KANK2: variants seen among roughly 807,000 people sequenced by gnomAD.
KANK2 encodes the protein KN motif and ankyrin repeat domain-containing protein 2.
In KANK2, 41 loss-of-function variants were observed where a neutral mutation model predicts 74.6. The observed-to-expected ratio is 0.55, with a 90% CI of 0.43 to 0.71. KANK2 has a LOEUF of 0.71. Among genes scored for constraint, KANK2 ranks in the 30% least tolerant of loss-of-function variants. KANK2 has a pLI of 0.00. For synonymous variants in KANK2, 537 were observed against 519.0 expected, an observed-to-expected ratio of 1.03 and a Z score of -0.47; for missense variants, 1,148 against 1,196.4, an observed-to-expected ratio of 0.96 and a Z score of 0.60.
intron 4 of KANK2, among the ~76,000 whole-genome samples, chr19:11,186,976 A>T (rs1251055457): frequency 2.6e-5 from 4 of 151,874 alleles, no homozygotes; most frequent in African/African-American, 9.7e-5. Flanking sequence ...AGAAGAGGGT[A>T]GGTGGGTGGG....
intron 3 of KANK2, 148 bp from the exon 4 acceptor site, chr19:11,194,190 G>C (rs1224349391): frequency 1.1e-6 from 1 of 872,738 alleles, no homozygotes; most frequent in Non-Finnish European, 1.7e-6. Flanking sequence ...AGACCCTCCA[G>C]AGCAGGGCTA....
chr19:11,183,254 TG>T (rs2147514417), intron 4 of KANK2, among the ~76,000 whole-genome samples: 1 of 152,310 alleles, frequency 6.6e-6, no homozygotes, highest in African/African-American at 2.4e-5. Flanking sequence ...CTCCAATCTC[TG>T]GGCACTGAGG....
Position 11,176,566 on chromosome 19 carries a change from C to A in KANK2, c.1760+12G>T. 1 of 1,564,968 alleles carries A rather than the reference C, an allele frequency of 6.4e-7. No homozygotes were observed. Among genetic ancestry groups the A allele is most frequent in the South Asian group, 1.2e-5 (1 of 83,744 alleles). On this transcript the variant is annotated intron_variant, in intron 7 of 12. Transcript: ENST00000586659. Reference sequence around the variant, plus strand: ...CGGCCCTGCCTGAATCCCTCCTACCCAGAAAACTGACCTGATCTCCTCCTC... The same window carrying A: ...CGGCCCTGCCTGAATCCCTCCTACCAAGAAAACTGACCTGATCTCCTCCTC...
At chr19:11,197,665 G>C (rs1005410715), upstream of KANK2, 1 of 151,838 alleles carries the variant, frequency 6.6e-6, no homozygotes, top group Non-Finnish European at 1.5e-5. Context: ...GCCGCGGTGG[G>C]GGGTGGGGAT....
At position 11,178,455 on chromosome 19, in the gene KANK2, G is replaced by A; in HGVS notation, c.1418-8C>T. ...CGCCTGCCGGGGGCCCGCCTGGAGGGGAGGACAGCGGAGGTGCTGTGAGAG... is the reference window on the plus strand; with the variant it reads ...CGCCTGCCGGGGGCCCGCCTGGAGGAGAGGACAGCGGAGGTGCTGTGAGAG... On this transcript the variant is annotated splice_polypyrimidine_tract_variant and splice_region_variant and intron_variant, in intron 5 of 12. Transcript: ENST00000586659. 2 of 1,599,454 alleles carry A rather than the reference G, an allele frequency of 1.3e-6. No homozygotes were observed. The highest frequency in any genetic ancestry group is 1.8e-5 in the Admixed American group (1 of 56,948).
At chr19:11,169,409 G>C (rs902729692) in intron 12 of KANK2, among the ~76,000 whole-genome samples, 2 of 152,216 alleles carry the variant, frequency 1.3e-5, no homozygotes, top group African/African-American at 4.8e-5. Context: ...TCAGGAGGCT[G>C]AGGTGAAAGG....
chr19:11,170,110 G>A lies in KANK2; in HGVS notation c.2350C>T (p.His784Tyr). 1 of 1,613,406 alleles carries A rather than the reference G, an allele frequency of 6.2e-7. No homozygotes were observed. The highest frequency in any genetic ancestry group is 8.5e-7 in the Non-Finnish European group (1 of 1,180,020). Residue 784 changes from histidine (H) to tyrosine (Y), a missense_variant, in exon 11 of 13, where the codon CAC becomes TAC. Physicochemically the swap from His to Tyr is moderately conservative, Grantham distance 83. Transcript: ENST00000586659. The surrounding 1 kb of genome is among the most constrained non-coding windows in gnomAD (Gnocchi z 5.2). ...TALMCACEHGHKEIAGLLLAV... is the reference protein window; with the variant it reads ...TALMCACEHGYKEIAGLLLAV... ...AGCAGCAGCCCCGCGATCTCCTTGT[G>A]GCCGTGCTCACAGGCGCACATGAGG... is the stretch of plus-strand genomic sequence containing the variant.
In KANK2 at chr19:11,178,491, C is replaced by T. The variant is rs367901980; in HGVS notation, c.1418-44G>A. 6.9e-6 allele frequency: 11 copies of T among 1,600,772 alleles called. No individual in the cohort carries two copies. The African/African-American group carries it at 1.4e-4, about 20-fold the overall frequency. ...GAGGTGCTGTGAGAGTCCTTCAGGG[C>T]CAGACTCCGAACTGGCGCCATCCCG... On this transcript the variant is annotated intron_variant, in intron 5 of 12. Transcript: ENST00000586659.
chr19:11,171,820 G>A (rs1453274836), intron 10 of KANK2, among the ~76,000 whole-genome samples: 1 of 150,988 alleles, frequency 6.6e-6, no homozygotes, highest in African/African-American at 2.4e-5. Flanking sequence ...ACAGGCACAT[G>A]CCACCATGCC....
At position 11,192,431 on chromosome 19, in the gene KANK2, C is replaced by CTTTT. The variant is rs34285924; in HGVS notation, c.1249+396_1249+399dup. 231 of 159,894 alleles carry CTTTT rather than the reference C, an allele frequency of 1.4e-3. 6 individuals carry two copies. Among genetic ancestry groups the CTTTT allele is most frequent in the Admixed American group, 2.7e-3 (31 of 11,540 alleles). The allele number at this position is 159,894 out of a possible 1,614,324, so 9.9% of individuals were successfully genotyped here. A position where few individuals can be genotyped will look rare whatever the true frequency, so the allele number is the denominator to read the frequency against. Reference sequence around the variant, plus strand: ...GGGGCTGGGGCTGGACCTTGGCATTCTTTTTTTTTTTTTTTTTTTTTGAGA... The same window carrying CTTTT: ...GGGGCTGGGGCTGGACCTTGGCATTCTTTTTTTTTTTTTTTTTTTTTTTTTGAGA... On this transcript the variant is annotated intron_variant, in intron 4 of 12. Transcript: ENST00000586659.
At position 11,179,578 on chromosome 19, in the gene KANK2, C is replaced by T. The variant is rs181856236; in HGVS notation, c.1250-858G>A. On this transcript the variant is annotated intron_variant, in intron 4 of 12. Transcript: ENST00000586659. ...GCTTGAACCCGGGAGGCAGAGGTTG[C>T]AGTGAGCAGAGATCACACCACTGCA... 3.4e-4 allele frequency among the ~76,000 whole-genome samples: 51 copies of T among 151,410 alleles called. 1 individual carries two copies. The highest frequency in any genetic ancestry group is 3.2e-3 in the Admixed American group (49 of 15,156).
chr19:11,182,512 T>A, intron 4 of KANK2, among the ~76,000 whole-genome samples: 1 of 145,430 alleles, frequency 6.9e-6, no homozygotes, highest in African/African-American at 2.6e-5. Context: ...GGTGACGGAG[T>A]GAGACCCTAT....
chr19:11,197,710 G>C (rs994265469), upstream of KANK2: 1 of 151,906 alleles, frequency 6.6e-6, no homozygotes, highest in African/African-American at 2.4e-5. Flanking sequence ...ATCTCACCTG[G>C]ACAGCAGGTG....
intron 9 of KANK2, among the ~76,000 whole-genome samples, chr19:11,173,509 T>C (rs895686508): frequency 2.6e-5 from 4 of 151,972 alleles, no homozygotes; most frequent in African/African-American, 9.7e-5. Flanking sequence ...AAGGGCAAGT[T>C]TCTTACTAAC....
intron 4 of KANK2, among the ~76,000 whole-genome samples, chr19:11,180,363 G>T (rs1369064032): frequency 6.6e-6 from 1 of 152,138 alleles, no homozygotes; most frequent in Non-Finnish European, 1.5e-5. Context: ...TCGCATAGCT[G>T]GGATTATAGG....
chr19:11,196,081 G>C (rs185486994), intron 1 of KANK2: 1 of 143,602 alleles, frequency 7.0e-6, no homozygotes, highest in East Asian at 2.0e-4. Context: ...TTTCTGAGAC[G>C]GAGTTTTGCT....
rs546802143 is a variant in KANK2, at chr19:11,189,852, C to G, written c.1249+2979G>C. Among the ~76,000 whole-genome samples, 44 of 152,242 alleles carry G rather than the reference C, an allele frequency of 2.9e-4. 1 individual carries two copies. The South Asian group carries it at 7.7e-3, about 27-fold the overall frequency. On this transcript the variant is annotated intron_variant, in intron 4 of 12. Coordinates refer to ENST00000586659, the MANE Select transcript of KANK2 (RefSeq NM_001136191.3). ...CACGTCTGGAATGGTGGTTGCCTCT[C>G]AGAGATTCCGAGGCTGGGCCAGGCG...
intron 9 of KANK2, 103 bp downstream of exon 9, chr19:11,174,370 C>T: frequency 1.1e-6 from 1 of 940,998 alleles, no homozygotes; most frequent in Non-Finnish European, 1.7e-6. Flanking sequence ...TCTCCTCCAT[C>T]ATCTTCCCCA....
chr19:11,177,218 C>G (rs1862604735), intron 6 of KANK2, among the ~76,000 whole-genome samples: 2 of 150,574 alleles, frequency 1.3e-5, no homozygotes, highest in African/African-American at 4.9e-5. Context: ...TTCCAAATAC[C>G]TGGGACTACA....
Sources: gnomAD v4.1 joint callset for allele counts (sites outside exome capture counted in the v4.1 genomes callset) on GRCh38, gnomAD v4.1.1 for gene constraint, Gnocchi (gnomAD v3.1) non-coding constraint, MANE v1.5 for transcripts, NCBI Gene and HGNC (gene_info 2026-07-23, HGNC 2026-07-21) for gene names.